The following DVL3 variants were observed in gnomAD, a reference collection of about 807,000 sequenced individuals.
The protein encoded by DVL3 is segment polarity protein dishevelled homolog DVL-3.
In DVL3, 27 loss-of-function variants were observed where a neutral mutation model predicts 67.4. The observed-to-expected ratio is 0.40, with a 90% CI of 0.30 to 0.55. DVL3 has a LOEUF of 0.55. DVL3 is among the 20% of genes least tolerant of loss of function. The pLI, the probability that DVL3 is intolerant of heterozygous loss-of-function variation, is 0.46. For synonymous variants in DVL3, 369 were observed against 396.8 expected, an observed-to-expected ratio of 0.93 and a Z score of 0.83; for missense variants, 819 against 1,021.5, an observed-to-expected ratio of 0.80 and a Z score of 2.70.
intron 1 of DVL3, among the ~76,000 whole-genome samples, chr3:184,161,192 C>G (rs1025365510): frequency 6.6e-6 from 1 of 152,122 alleles, no homozygotes; most frequent in Non-Finnish European, 1.5e-5. Flanking sequence ...TTGGGGAGGC[C>G]GAGGTGGGCG....
chr3:184,164,947 C>T lies in DVL3; in HGVS notation c.599+16C>T. 1 of 1,614,086 alleles carries T rather than the reference C, an allele frequency of 6.2e-7. No individual in the cohort carries two copies. Among genetic ancestry groups the T allele is most frequent in the Non-Finnish European group, 8.5e-7 (1 of 1,179,970 alleles). ...CCACCAGCAGGTGGGGCTTGAGTTT[C>T]ATGGGTATTGTGGGGCAGGTGACCC... On this transcript the variant is annotated intron_variant, in intron 5 of 14. Transcript: ENST00000313143. This position sits in a 1 kb window ranked among gnomAD's most constrained non-coding sequence, Gnocchi z 5.3.
intron 1 of DVL3, among the ~76,000 whole-genome samples, chr3:184,160,730 G>A (rs1035120465): frequency 6.6e-6 from 1 of 152,124 alleles, no homozygotes; most frequent in African/African-American, 2.4e-5. Flanking sequence ...GGTGGGGCCT[G>A]CCAGGGGAGC....
Position 184,164,862 on chromosome 3 carries a change from C to A in DVL3, c.530C>A (p.Ser177Tyr). 6.2e-7 allele frequency: 1 copy of A among 1,614,156 alleles called. No homozygotes were observed. The highest frequency in any genetic ancestry group is 1.1e-5 in the South Asian group (1 of 91,078). ...GAACCAGGGGGTTATGATAGCTCAT[C>A]CACCCTTATGAGCAGTGAGCTGGAG... Reference protein sequence around the residue: ...RREPGGYDSSSTLMSSELETT... With the variant: ...RREPGGYDSSYTLMSSELETT... Residue 177 changes from serine (S) to tyrosine (Y), a missense_variant, in exon 5 of 15, where the codon TCC (serine) becomes TAC (tyrosine). Physicochemically the swap from Ser to Tyr is moderately radical, Grantham distance 144 (BLOSUM62 -2). Around this residue, in one of 3 missense-constraint regions of DVL3, gnomAD observed 385 missense variants for 486.8 expected, o/e 0.79. Transcript: ENST00000313143. The surrounding 1 kb of genome is among the most constrained non-coding windows in gnomAD (Gnocchi z 5.3).
rs184626129 is a variant in DVL3, at chr3:184,169,916, C to T, written c.1499-90C>T. The T allele has an allele frequency of 5.9e-5, 71 of 1,213,534 alleles. No homozygotes were observed. The East Asian group carries it at 1.6e-3, about 28-fold the overall frequency. 75.2% of individuals were successfully genotyped at this position (1,213,534 alleles called of 1,614,324 possible). ...CTCCTCTCATTCTAGCCAGAAACTACCACGGTCTCTCTCATCCAGAGCCCA... is the reference window on the plus strand; with the variant it reads ...CTCCTCTCATTCTAGCCAGAAACTATCACGGTCTCTCTCATCCAGAGCCCA... On this transcript the variant is annotated intron_variant, in intron 13 of 14. Coordinates refer to ENST00000313143, the MANE Select transcript of DVL3 (RefSeq NM_004423.4).
At chr3:184,161,055 G>A (rs1714363168) in intron 1 of DVL3, among the ~76,000 whole-genome samples, 1 of 152,222 alleles carries the variant, frequency 6.6e-6, no homozygotes, top group African/African-American at 2.4e-5. Flanking sequence ...CTTGGCCTGT[G>A]AACTTGGCTG....
intron 1 of DVL3, among the ~76,000 whole-genome samples, chr3:184,159,724 C>T (rs1219491874): frequency 6.6e-6 from 1 of 152,006 alleles, no homozygotes; most frequent in African/African-American, 2.4e-5. Flanking sequence ...CCATTGAACA[C>T]ATGTGCTGCT....
chr3:184,155,818 C>T lies in DVL3; in HGVS notation c.161+22C>T. ...TCGGGTGAGGATGGCCCCCGCCCCG[C>T]CTCCGGGAGCCCCGGCCGCTCTGGC... On this transcript the variant is annotated intron_variant, in intron 1 of 14. Transcript: ENST00000313143. This position sits in a 1 kb window ranked among gnomAD's most constrained non-coding sequence, Gnocchi z 5.4. The T allele has an allele frequency of 6.3e-7, 1 of 1,588,572 alleles. No homozygotes were observed. The highest frequency in any genetic ancestry group is 1.4e-5 in the African/African-American group (1 of 73,800).
chr3:184,159,792 C>T (rs1170777294), intron 1 of DVL3, among the ~76,000 whole-genome samples: 1 of 152,170 alleles, frequency 6.6e-6, no homozygotes, highest in Admixed American at 6.5e-5. Flanking sequence ...ATCCACTGGA[C>T]CATAGTCTCT....
rs1560121043 is a variant in DVL3 at position 184,170,288 on chromosome 3, GC to G, written c.1715-27del. The G allele has an allele frequency of 1.3e-6, 2 of 1,591,778 alleles. No individual in the cohort carries two copies. The highest frequency in any genetic ancestry group is 1.8e-5 in the Admixed American group (1 of 56,944). On this transcript the variant is annotated intron_variant, in intron 14 of 14. Transcript: ENST00000313143. The surrounding 1 kb of genome is among the most constrained non-coding windows in gnomAD (Gnocchi z 6.5). ...CAGGCTTCCCCCGCCCGCTCAGCCT[GC>G]CCCACCCCGGCCCTGTTTGCCTCCT...
Position 184,172,677 on chromosome 3 carries a change from G to T in DVL3, c.*1922G>T, listed in dbSNP as rs2109025233. 1 of 152,362 alleles carries T rather than the reference G, an allele frequency of 6.6e-6. No homozygotes were observed. Among genetic ancestry groups the T allele is most frequent in the South Asian group, 2.1e-4 (1 of 4,838 alleles). The allele number at this position is 152,362 out of a possible 1,614,324, so 9.4% of individuals were successfully genotyped here. On this transcript the variant is annotated 3_prime_UTR_variant, in exon 15 of 15. Coordinates refer to ENST00000313143, the MANE Select transcript of DVL3 (RefSeq NM_004423.4). ...TGAATCCAGGAAGCAAGCGGAGGTT[G>T]CAGTGAGTTGAGATCGCACTCCAGC...
chr3:184,164,859 C>T lies in DVL3; in HGVS notation c.527C>T (p.Ser176Leu), dbSNP rs897261501. Reference protein sequence around the residue: ...RRREPGGYDSSSTLMSSELET... With the variant: ...RRREPGGYDSLSTLMSSELET... ...CGAGAACCAGGGGGTTATGATAGCT[C>T]ATCCACCCTTATGAGCAGTGAGCTG... The change falls in exon 5 of 15, where the codon TCA becomes TTA. Residue 176 changes from serine to leucine, a missense_variant. Physicochemically the swap from Ser to Leu is moderately radical, Grantham distance 145 (BLOSUM62 -2). Transcript: ENST00000313143. This position sits in a 1 kb window ranked among gnomAD's most constrained non-coding sequence, Gnocchi z 5.3. The T allele has an allele frequency of 1.2e-6, 2 of 1,614,078 alleles. No homozygotes were observed. Among genetic ancestry groups the T allele is most frequent in the South Asian group, 1.1e-5 (1 of 91,078 alleles).
chr3:184,162,686 A>G (rs1448557730), intron 1 of DVL3, among the ~76,000 whole-genome samples: 2 of 151,178 alleles, frequency 1.3e-5, no homozygotes, highest in African/African-American at 4.9e-5. Flanking sequence ...TAGCCTCCCA[A>G]GTAGCTGGGA....
In DVL3 at chr3:184,165,565, GT is replaced by G; in HGVS notation, c.763+75del. 7.5e-7 allele frequency: 1 copy of G among 1,327,906 alleles called. No homozygotes were observed. Among genetic ancestry groups the G allele is most frequent in the Admixed American group, 1.7e-5 (1 of 58,176 alleles). 82.3% of individuals were successfully genotyped at this position (1,327,906 alleles called of 1,614,324 possible). Reference sequence around the variant, plus strand: ...CTGGGCAGACTTGAGTTCAGAGAGCGTAGAATATGTTCCCTGCCCTCAAGGA... The same window carrying G: ...CTGGGCAGACTTGAGTTCAGAGAGCGAGAATATGTTCCCTGCCCTCAAGGA... On this transcript the variant is annotated intron_variant, in intron 7 of 14. Coordinates refer to ENST00000313143, the MANE Select transcript of DVL3 (RefSeq NM_004423.4). This position sits in a 1 kb window ranked among gnomAD's most constrained non-coding sequence, Gnocchi z 4.1.
chr3:184,163,727 G>A lies in DVL3; in HGVS notation c.231+1G>A, dbSNP rs756823260. 1 of 1,613,810 alleles carries A rather than the reference G, an allele frequency of 6.2e-7. No individual in the cohort carries two copies. The highest frequency in any genetic ancestry group is 8.5e-7 in the Non-Finnish European group (1 of 1,179,896). ...CTTCAATGGCCGGGTGGTGTCCTGG[G>A]TAAGGAGCCCTCAGCCTTCCATCCA... is the stretch of plus-strand genomic sequence containing the variant. On this transcript the variant is annotated splice_donor_variant, in intron 2 of 14. Transcript: ENST00000313143. LOFTEE classifies it high-confidence loss of function. This position sits in a 1 kb window ranked among gnomAD's most constrained non-coding sequence, Gnocchi z 4.5.
rs1714836347 is a variant in DVL3 at position 184,171,463 on chromosome 3, C to G, written c.*708C>G. The G allele has an allele frequency of 1.0e-6, 1 of 986,966 alleles. No individual in the cohort carries two copies. Among genetic ancestry groups the G allele is most frequent in the Non-Finnish European group, 1.2e-6 (1 of 830,904 alleles). 61.1% of individuals were successfully genotyped at this position (986,966 alleles called of 1,614,324 possible). Reference sequence around the variant, plus strand: ...TGCCTGCCCTGCGTGCTGGTTCCTTCAGACCCCTAACCCTACTAACCAGCA... The same window carrying G: ...TGCCTGCCCTGCGTGCTGGTTCCTTGAGACCCCTAACCCTACTAACCAGCA... On this transcript the variant is annotated 3_prime_UTR_variant, in exon 15 of 15. Coordinates refer to ENST00000313143, the MANE Select transcript of DVL3 (RefSeq NM_004423.4).
In DVL3 at chr3:184,163,330, C is replaced by T. The variant is rs1714449071; in HGVS notation, c.162-327C>T. On this transcript the variant is annotated intron_variant, in intron 1 of 14. Coordinates refer to ENST00000313143, the MANE Select transcript of DVL3 (RefSeq NM_004423.4). The surrounding 1 kb of genome is among the most constrained non-coding windows in gnomAD (Gnocchi z 4.5). ...ATCAGAGGGAAAGAGAAAGTCTAGCCCAGGAGAGTCATGTTGGGGATGGGT... is the reference window on the plus strand; with the variant it reads ...ATCAGAGGGAAAGAGAAAGTCTAGCTCAGGAGAGTCATGTTGGGGATGGGT... Among the ~76,000 whole-genome samples the T allele has an allele frequency of 6.6e-6, 1 of 152,206 alleles. No homozygotes were observed. The highest frequency in any genetic ancestry group is 6.5e-5 in the Admixed American group (1 of 15,294).
intron 1 of DVL3, among the ~76,000 whole-genome samples, chr3:184,161,525 C>T (rs1459944733): frequency 6.6e-6 from 1 of 152,084 alleles, no homozygotes; most frequent in Non-Finnish European, 1.5e-5. Flanking sequence ...CGTCATCTTA[C>T]CCTTGGTCAT....
At position 184,159,584 on chromosome 3, in the gene DVL3, G is replaced by A. The variant is rs1184420707; in HGVS notation, c.161+3788G>A. The stretch of plus-strand genomic sequence containing the variant: ...TTGCTACGTTAGCCAAGCTAGTCAC[G>A]AACTCTTGACCTCAAGTGATCCGCC... On this transcript the variant is annotated intron_variant, in intron 1 of 14. Coordinates refer to ENST00000313143, the MANE Select transcript of DVL3 (RefSeq NM_004423.4). 3.0e-4 allele frequency among the ~76,000 whole-genome samples: 35 copies of A among 115,768 alleles called. 8 individuals are homozygous for A. The highest frequency in any genetic ancestry group is 9.3e-4 in the South Asian group (3 of 3,214). The allele number at this position is 115,768 out of a possible 152,430, so 75.9% of individuals were successfully genotyped here. A position where few individuals can be genotyped will look rare whatever the true frequency, so the allele number is the denominator to read the frequency against.
chr3:184,160,070 G>T (rs1245135233), intron 1 of DVL3, among the ~76,000 whole-genome samples: 1 of 150,478 alleles, frequency 6.6e-6, no homozygotes, highest in Non-Finnish European at 1.5e-5. Context: ...CTCCCGAGTA[G>T]CTGGGACTAC....
Sources: gnomAD v4.1 joint callset for allele counts (sites outside exome capture counted in the v4.1 genomes callset) on GRCh38, gnomAD v4.1.1 for gene constraint, gnomAD v4.1.1 regional missense constraint, Gnocchi (gnomAD v3.1) non-coding constraint, MANE v1.5 for transcripts, NCBI Gene and HGNC (gene_info 2026-07-23, HGNC 2026-07-21) for gene names.